The following RALGPS2 variants were observed in gnomAD, a reference collection of about 807,000 sequenced individuals.
RALGPS2 encodes Ral GEF with PH domain and SH3 binding motif 2, also known as ras-specific guanine nucleotide-releasing factor RalGPS2.
A neutral mutation model predicts 86.8 loss-of-function variants in RALGPS2; 43 were observed. The observed-to-expected ratio is 0.50, with a 90% confidence interval of 0.39 to 0.64. The LOEUF is 0.64. Ranked by LOEUF, RALGPS2 falls within the 30% of genes least tolerant of loss-of-function variation. The pLI is 0.00. For synonymous variants in RALGPS2, 243 were observed against 231.3 expected, an observed-to-expected ratio of 1.05 and a Z score of -0.46; for missense variants, 536 against 694.6, an observed-to-expected ratio of 0.77 and a Z score of 2.57.
chr1:178,886,686 G>A (rs1035200672), intron 13 of RALGPS2, among the ~76,000 whole-genome samples: 1 of 151,784 alleles, frequency 6.6e-6, no homozygotes, highest in African/African-American at 2.4e-5. Flanking sequence ...AAGAGAGAGT[G>A]TACATAAATA....
chr1:178,833,589 T>TACTCTTCC (rs752617557), intron 8 of RALGPS2, 39 bp downstream of exon 8: 23 of 1,509,166 alleles, frequency 1.5e-5, no homozygotes, highest in Non-Finnish European at 2.0e-5. Context: ...TTCTAGTTGT[T>TACTCTTCC]ACTCTTCCTT....
chr1:178,897,588 A>C, intron 16 of RALGPS2, 76 bp from the exon 17 acceptor site: 1 of 1,211,596 alleles, frequency 8.3e-7, no homozygotes, highest in Non-Finnish European at 1.2e-6. Context: ...GGACTTGATC[A>C]TTGGCACTTA....
intron 2 of RALGPS2, among the ~76,000 whole-genome samples, chr1:178,781,932 T>C (rs1653411355): frequency 6.6e-6 from 1 of 152,228 alleles, no homozygotes; most frequent in African/African-American, 2.4e-5. Context: ...TTTATGAGAC[T>C]TGAGGTTTCT....
In RALGPS2 at chr1:178,885,150, C is replaced by A; in HGVS notation, c.979C>A (p.Pro327Thr). The change falls in exon 12 of 20, where the codon CCG becomes ACG. Residue 327 changes from proline (P) to threonine (T), a missense_variant. By Grantham distance (38) the Pro-to-Thr change is conservative. Around this residue, in one of 3 missense-constraint regions of RALGPS2, gnomAD observed 309 missense variants for 363.0 expected, o/e 0.85. Coordinates refer to ENST00000367635, the MANE Select transcript of RALGPS2 (RefSeq NM_152663.5). Reference sequence around the variant, plus strand: ...TGAAGGAGCCTTGCTCCCACAGACACCGCCATCCCCTCGGAATCTGATTCC... The same window carrying A: ...TGAAGGAGCCTTGCTCCCACAGACAACGCCATCCCCTCGGAATCTGATTCC... ...AAEGALLPQTPPSPRNLIPHG... is the reference protein window; with the variant it reads ...AAEGALLPQTTPSPRNLIPHG... 6.2e-7 allele frequency: 1 copy of A among 1,613,826 alleles called. No individual in the cohort carries two copies. The highest frequency in any genetic ancestry group is 1.7e-4 in the Middle Eastern group (1 of 6,050).
chr1:178,833,111 A>G (rs1656103754), intron 7 of RALGPS2, among the ~76,000 whole-genome samples: 1 of 152,078 alleles, frequency 6.6e-6, no homozygotes, highest in Non-Finnish European at 1.5e-5. Context: ...GCTAAATATG[A>G]ATGCATAATT....
At chr1:178,909,843 G>A (rs1320613692) in intron 19 of RALGPS2, among the ~76,000 whole-genome samples, 1 of 151,676 alleles carries the variant, frequency 6.6e-6, no homozygotes, top group African/African-American at 2.4e-5. Context: ...TAGACAAAGG[G>A]TTTCACTGTG....
chr1:178,874,659 A>G (rs761931230), intron 8 of RALGPS2, among the ~76,000 whole-genome samples: 2 of 152,186 alleles, frequency 1.3e-5, no homozygotes, highest in African/African-American at 2.4e-5. Context: ...ATTGATGTAC[A>G]TATGCCAACA....
At chr1:178,878,520 C>T (rs1160789574) in intron 9 of RALGPS2, among the ~76,000 whole-genome samples, 1 of 152,040 alleles carries the variant, frequency 6.6e-6, no homozygotes, top group Non-Finnish European at 1.5e-5. Flanking sequence ...ATTAATCTTG[C>T]TTGAAACTTA....
chr1:178,771,857 G>T (rs1005989946), intron 1 of RALGPS2, among the ~76,000 whole-genome samples: 2 of 151,976 alleles, frequency 1.3e-5, no homozygotes, highest in African/African-American at 4.8e-5. Flanking sequence ...TTTTTCATGT[G>T]TCATTAAGTA....
chr1:178,882,070 C>A (rs74546541), intron 10 of RALGPS2, among the ~76,000 whole-genome samples: 6,052 of 152,220 alleles, frequency 0.04, 163 homozygotes, highest in African/African-American at 0.068. Context: ...GAATCAGCAT[C>A]TCTATTATAA....
intron 8 of RALGPS2, among the ~76,000 whole-genome samples, chr1:178,837,419 G>C (rs916673393): frequency 6.6e-6 from 1 of 152,088 alleles, no homozygotes. Flanking sequence ...TAGTAGTATT[G>C]ACACTGCGGT....
At chr1:178,885,047 T>A in intron 11 of RALGPS2, 29 bp from the exon 12 acceptor site, 1 of 1,543,758 alleles carries the variant, frequency 6.5e-7, no homozygotes, top group Non-Finnish European at 8.7e-7. Context: ...AAGTAATCAT[T>A]TGAAAATCTC....
intron 19 of RALGPS2, among the ~76,000 whole-genome samples, chr1:178,908,810 C>CT (rs1300456398): frequency 2.0e-5 from 3 of 152,044 alleles, no homozygotes; most frequent in African/African-American, 7.2e-5. Flanking sequence ...GATATTAGAC[C>CT]TTTTTCAGAT....
At chr1:178,745,551 CT>C (rs1651268780) in intron 1 of RALGPS2, among the ~76,000 whole-genome samples, 1 of 152,134 alleles carries the variant, frequency 6.6e-6, no homozygotes, top group African/African-American at 2.4e-5. Context: ...ACAAATAATG[CT>C]GGCACAAAAT....
intron 7 of RALGPS2, among the ~76,000 whole-genome samples, chr1:178,826,487 T>C (rs1198160868): frequency 1.3e-5 from 2 of 152,270 alleles, no homozygotes; most frequent in Middle Eastern, 3.4e-3. Context: ...ATTCCACTTA[T>C]ATGAGGTACC....
chr1:178,728,151 ATGTT>A (rs150203151), intron 1 of RALGPS2, among the ~76,000 whole-genome samples: 6,459 of 152,186 alleles, frequency 0.042, 466 homozygotes, highest in African/African-American at 0.15. Context: ...AGTTAAATGA[ATGTT>A]TGCTGAAAAT....
intron 1 of RALGPS2, among the ~76,000 whole-genome samples, chr1:178,750,078 G>T (rs547850412): frequency 6.6e-6 from 1 of 152,214 alleles, no homozygotes; most frequent in African/African-American, 2.4e-5. Context: ...GCCACTGTTC[G>T]CCAGCCTTGG....
chr1:178,907,301 A>G (rs1660428043), intron 19 of RALGPS2, among the ~76,000 whole-genome samples: 1 of 152,182 alleles, frequency 6.6e-6, no homozygotes, highest in Non-Finnish European at 1.5e-5. Flanking sequence ...GGTGAGTTCA[A>G]AGCACAGAAA....
chr1:178,819,932 A>G (rs534109285), intron 6 of RALGPS2, among the ~76,000 whole-genome samples: 33 of 152,238 alleles, frequency 2.2e-4, no homozygotes, highest in African/African-American at 7.7e-4. Flanking sequence ...CACATCCATA[A>G]TATCTTACCC....
Sources: gnomAD v4.1 joint callset for allele counts (sites outside exome capture counted in the v4.1 genomes callset) on GRCh38, gnomAD v4.1.1 for gene constraint, gnomAD v4.1.1 regional missense constraint, MANE v1.5 for transcripts, NCBI Gene and HGNC (gene_info 2026-07-23, HGNC 2026-07-21) for gene names.